The following TTC1 variants were observed in gnomAD, a reference collection of about 807,000 sequenced individuals.
TTC1 encodes the protein tetratricopeptide repeat domain 1.
TTC1 carries 31 observed loss-of-function variants against 37.6 expected under a neutral mutation model. The observed-to-expected ratio is 0.82, with a 90% CI of 0.62 to 1.11. The LOEUF is 1.11. Ranked by LOEUF, TTC1 falls within the 50% of genes most tolerant of loss-of-function variation. The probability of loss-of-function intolerance (pLI) is 0.00; values close to 1 mark genes in which losing one functional copy is unlikely to be tolerated. For missense variants in TTC1, 351 were observed against 339.0 expected (o/e 1.04, Z -0.28); for synonymous variants, 127 against 122.4 (o/e 1.04, Z -0.25).
chr5:160,057,891 C>T lies in TTC1; in HGVS notation c.745+6708C>T, dbSNP rs1049913614. Among the ~76,000 whole-genome samples the T allele has an allele frequency of 1.3e-5, 2 of 152,126 alleles. No individual in the cohort carries two copies. The highest frequency in any genetic ancestry group is 2.4e-5 in the African/African-American group (1 of 41,426). On this transcript the variant is annotated intron_variant, in intron 7 of 7. Coordinates refer to ENST00000231238, the MANE Select transcript of TTC1 (RefSeq NM_003314.3). This position sits in a 1 kb window ranked among gnomAD's most constrained non-coding sequence, Gnocchi z 4.4. ...CAAACAATTCTTCTGCCTCAGCCTCCCAAGTAGCTGGGATTACAGGTGTAT... is the reference window on the plus strand; with the variant it reads ...CAAACAATTCTTCTGCCTCAGCCTCTCAAGTAGCTGGGATTACAGGTGTAT...
intron 2 of TTC1, among the ~76,000 whole-genome samples, chr5:160,020,255 A>G (rs752092554): frequency 1.3e-5 from 2 of 152,192 alleles, no homozygotes; most frequent in Admixed American, 1.3e-4. Flanking sequence ...TCTTAGAGTT[A>G]CCACTGTTGA....
At chr5:160,036,627 T>C in intron 3 of TTC1, 64 bp from the exon 4 acceptor site, 1 of 1,119,552 alleles carries the variant, frequency 8.9e-7, no homozygotes, top group Non-Finnish European at 1.4e-6. Context: ...TCTGAGATCC[T>C]GTGGAATATA....
chr5:160,032,309 TA>T (rs1429854365), intron 2 of TTC1, among the ~76,000 whole-genome samples: 1 of 152,232 alleles, frequency 6.6e-6, no homozygotes, highest in Non-Finnish European at 1.5e-5. Context: ...TGAAAACTCT[TA>T]AAGAGTGGGC....
At chr5:160,049,922 A>G (rs185656120) in intron 6 of TTC1, among the ~76,000 whole-genome samples, 2 of 152,142 alleles carry the variant, frequency 1.3e-5, no homozygotes, top group Admixed American at 6.5e-5. Context: ...TTCTAAAAAT[A>G]CAAAAAATTA....
intron 4 of TTC1, among the ~76,000 whole-genome samples, chr5:160,037,680 G>A (rs571079736): frequency 6.6e-6 from 1 of 152,034 alleles, no homozygotes; most frequent in Non-Finnish European, 1.5e-5. Flanking sequence ...TGGCCTGGGC[G>A]ACAAGAGCAA....
intron 2 of TTC1, among the ~76,000 whole-genome samples, chr5:160,030,663 G>A (rs1581099892): frequency 6.6e-6 from 1 of 152,314 alleles, no homozygotes; most frequent in East Asian, 1.9e-4. Context: ...GGCAGTTCCT[G>A]TGATGATTTA....
intron 2 of TTC1, among the ~76,000 whole-genome samples, chr5:160,025,413 TG>T (rs1335441366): frequency 1.3e-5 from 2 of 152,164 alleles, no homozygotes; most frequent in African/African-American, 4.8e-5. Flanking sequence ...CCACCCTCCT[TG>T]GCCTCCCAAA....
rs529606046 is a variant in TTC1 at position 160,052,677 on chromosome 5, C to A, written c.745+1494C>A. ...GGTCTCTTAGTCCATTTTTTTAAAG[C>A]CAGTCCAGTAAAGGGACTGGTGCAA... On this transcript the variant is annotated intron_variant, in intron 7 of 7. Coordinates refer to ENST00000231238, the MANE Select transcript of TTC1 (RefSeq NM_003314.3). Among the ~76,000 whole-genome samples, 7 of 151,106 alleles carry A rather than the reference C, an allele frequency of 4.6e-5. No individual in the cohort carries two copies. The East Asian group carries it at 1.4e-3, about 29-fold the overall frequency.
chr5:160,048,043 A>G (rs973417150), intron 5 of TTC1, among the ~76,000 whole-genome samples: 3 of 151,692 alleles, frequency 2.0e-5, no homozygotes, highest in African/African-American at 7.3e-5. Flanking sequence ...ATTAAGTACT[A>G]AATAAATGTT....
At chr5:160,015,705 G>A (rs773618400) in intron 2 of TTC1, among the ~76,000 whole-genome samples, 3 of 152,178 alleles carry the variant, frequency 2.0e-5, no homozygotes, top group Non-Finnish European at 4.4e-5. Context: ...TAAGTAAAGT[G>A]TTTCCCAGAG....
At chr5:160,021,348 A>C (rs1188989484) in intron 2 of TTC1, among the ~76,000 whole-genome samples, 1 of 152,252 alleles carries the variant, frequency 6.6e-6, no homozygotes, top group Non-Finnish European at 1.5e-5. Flanking sequence ...GACTGCATCC[A>C]ACATCGGAAG....
At chr5:160,039,630 C>T (rs1022125968) in intron 4 of TTC1, among the ~76,000 whole-genome samples, 2 of 152,104 alleles carry the variant, frequency 1.3e-5, no homozygotes, top group African/African-American at 4.8e-5. Context: ...AGATGCACTA[C>T]AGCTTAATAA....
intron 2 of TTC1, among the ~76,000 whole-genome samples, chr5:160,031,534 A>G (rs540180876): frequency 1.3e-5 from 2 of 152,204 alleles, no homozygotes; most frequent in East Asian, 3.9e-4. Context: ...GAATCACTTG[A>G]ATCTGGGAGG....
chr5:160,029,900 C>T (rs757711397), intron 2 of TTC1, among the ~76,000 whole-genome samples: 23 of 152,080 alleles, frequency 1.5e-4, no homozygotes, highest in Non-Finnish European at 3.1e-4. Flanking sequence ...TTAAAAGGGC[C>T]GTATGGGATA....
At chr5:160,064,621 GC>G (rs1234524848) in intron 7 of TTC1, among the ~76,000 whole-genome samples, 1 of 152,158 alleles carries the variant, frequency 6.6e-6, no homozygotes, top group Non-Finnish European at 1.5e-5. Flanking sequence ...CACCCCAGAA[GC>G]CTGTGTCCTC....
At chr5:160,045,550 T>TCC (rs1184079793) in intron 5 of TTC1, among the ~76,000 whole-genome samples, 7 of 119,074 alleles carry the variant, frequency 5.9e-5, no homozygotes, top group African/African-American at 1.4e-4. Flanking sequence ...TCTCTCTCTC[T>TCC]CTCCCCCTCC....
At chr5:160,056,424 C>G (rs1043824020) in intron 7 of TTC1, among the ~76,000 whole-genome samples, 1 of 152,194 alleles carries the variant, frequency 6.6e-6, no homozygotes, top group East Asian at 1.9e-4. Context: ...CCATCTGGAG[C>G]TTGGCATGGT....
At chr5:160,054,559 C>T (rs991986751) in intron 7 of TTC1, among the ~76,000 whole-genome samples, 5 of 150,420 alleles carry the variant, frequency 3.3e-5, no homozygotes, top group African/African-American at 9.8e-5. Flanking sequence ...TGCAGTGTTA[C>T]GATGGTACCA....
Position 160,026,216 on chromosome 5 carries a change from G to A in TTC1, c.331-8924G>A, listed in dbSNP as rs143067017. Among the ~76,000 whole-genome samples, 720 of 152,300 alleles carry A rather than the reference G, an allele frequency of 4.7e-3. 9 individuals are homozygous for A. The highest frequency in any genetic ancestry group is 0.016 in the African/African-American group (677 of 41,576). On this transcript the variant is annotated intron_variant, in intron 2 of 7. Coordinates refer to ENST00000231238, the MANE Select transcript of TTC1 (RefSeq NM_003314.3). ...GAAAAGTTGTTTGGCTAGGGATGTCGGGGTGAGAGAATTTAGAAAGGAGTA... is the reference window on the plus strand; with the variant it reads ...GAAAAGTTGTTTGGCTAGGGATGTCAGGGTGAGAGAATTTAGAAAGGAGTA...
Sources: allele counts gnomAD v4.1 joint callset (sites outside exome capture counted in the v4.1 genomes callset), GRCh38; gene constraint gnomAD v4.1.1; non-coding constraint Gnocchi (gnomAD v3.1); transcripts MANE v1.5; gene names NCBI Gene and HGNC (gene_info 2026-07-23, HGNC 2026-07-21).